The following GLG1 variants were observed in gnomAD, a reference collection of about 807,000 sequenced individuals.
The protein encoded by GLG1 is Golgi apparatus protein 1.
A neutral mutation model predicts 160.5 loss-of-function variants in GLG1; 38 were observed. The observed-to-expected ratio is 0.24, with a 90% CI of 0.18 to 0.31. The LOEUF (loss-of-function observed/expected upper bound fraction) is 0.31, where lower values mean the gene tolerates loss of function less well. GLG1 is among the 10% of genes least tolerant of loss of function. The pLI is 1.00. For missense variants in GLG1, 1,373 were observed against 1,505.2 expected (o/e 0.91, Z 1.45); for synonymous variants, 644 against 543.4 (o/e 1.19, Z -2.57).
At chr16:74,597,195 G>A (rs189732959) in intron 1 of GLG1, among the ~76,000 whole-genome samples, 2 of 151,966 alleles carry the variant, frequency 1.3e-5, no homozygotes, top group Non-Finnish European at 2.9e-5. Flanking sequence ...CACTTTGGGA[G>A]GCCGAGGCGG....
chr16:74,490,845 G>A (rs966473826), intron 8 of GLG1, among the ~76,000 whole-genome samples, 156 bp downstream of exon 8: 6 of 152,156 alleles, frequency 3.9e-5, no homozygotes, highest in Admixed American at 3.3e-4. Flanking sequence ...ACTAAGATAT[G>A]CCTGAAGAAG....
chr16:74,526,579 C>G (rs893150102), intron 2 of GLG1, among the ~76,000 whole-genome samples: 1 of 151,326 alleles, frequency 6.6e-6, no homozygotes, highest in African/African-American at 2.4e-5. Context: ...CAAAAATTAG[C>G]AGGGCATGGT....
intron 1 of GLG1, among the ~76,000 whole-genome samples, chr16:74,574,376 T>C (rs2018926911): frequency 6.6e-6 from 1 of 152,180 alleles, no homozygotes; most frequent in Non-Finnish European, 1.5e-5. Flanking sequence ...CTGCAGGCCA[T>C]CTGTTAACAG....
chr16:74,462,477 G>A lies in GLG1; in HGVS notation c.2934+11C>T, dbSNP rs1423639405. 5 of 1,611,580 alleles carry A rather than the reference G, an allele frequency of 3.1e-6. No homozygotes were observed. The highest frequency in any genetic ancestry group is 4.2e-6 in the Non-Finnish European group (5 of 1,177,820). Reference sequence around the variant, plus strand: ...TAAATACACCTTTGTGGAGAGCCCAGGCCAGTTTACCTGGTCAGCATATCT... The same window carrying A: ...TAAATACACCTTTGTGGAGAGCCCAAGCCAGTTTACCTGGTCAGCATATCT... On this transcript the variant is annotated intron_variant, in intron 21 of 25. Transcript: ENST00000422840.
intron 11 of GLG1, 84 bp downstream of exon 11, chr16:74,480,157 T>G: frequency 8.8e-7 from 1 of 1,141,864 alleles, no homozygotes; most frequent in Non-Finnish European, 1.3e-6. Flanking sequence ...TTTCCTAATA[T>G]GACTGAAATC....
chr16:74,519,813 T>G (rs2017102031), intron 2 of GLG1, among the ~76,000 whole-genome samples: 1 of 152,182 alleles, frequency 6.6e-6, no homozygotes, highest in Non-Finnish European at 1.5e-5. Context: ...TTTCTTGACT[T>G]GTCACTTTTA....
chr16:74,458,146 T>A (rs1470503968), intron 23 of GLG1, 152 bp from the exon 24 acceptor site: 1 of 625,286 alleles, frequency 1.6e-6, no homozygotes. Context: ...GTGGTGATGA[T>A]GTACAGAATG....
chr16:74,536,023 G>C (rs1447246106), intron 1 of GLG1, among the ~76,000 whole-genome samples: 2 of 152,012 alleles, frequency 1.3e-5, no homozygotes, highest in East Asian at 3.8e-4. Flanking sequence ...CAGAATAAAT[G>C]AACTCGAGAA....
chr16:74,492,177 G>A (rs2016022257), intron 7 of GLG1, among the ~76,000 whole-genome samples: 1 of 150,566 alleles, frequency 6.6e-6, no homozygotes, highest in Non-Finnish European at 1.5e-5. Context: ...ACGAGGTCAG[G>A]AGATCGAGAC....
At chr16:74,587,262 C>A (rs1306806825) in intron 1 of GLG1, among the ~76,000 whole-genome samples, 1 of 152,154 alleles carries the variant, frequency 6.6e-6, no homozygotes, top group African/African-American at 2.4e-5. Flanking sequence ...ATGGAAGTGG[C>A]TTCCCGGCTG....
At chr16:74,464,533 G>C (rs1182774508) in intron 19 of GLG1, among the ~76,000 whole-genome samples, 1 of 152,208 alleles carries the variant, frequency 6.6e-6, no homozygotes, top group African/African-American at 2.4e-5. Context: ...TGAGACACTT[G>C]AGCACTGAGC....
At chr16:74,505,192 C>T (rs997010953) in intron 3 of GLG1, among the ~76,000 whole-genome samples, 6 of 152,288 alleles carry the variant, frequency 3.9e-5, no homozygotes, top group East Asian at 1.9e-4. Flanking sequence ...GACACACCAC[C>T]GAGGAATTAT....
intron 4 of GLG1, among the ~76,000 whole-genome samples, chr16:74,497,077 G>A (rs892718362): frequency 1.3e-5 from 2 of 151,944 alleles, no homozygotes; most frequent in East Asian, 3.9e-4. Flanking sequence ...TCAGGAGTTC[G>A]AGACCAGCCT....
rs540864412 is a variant in GLG1, at chr16:74,494,827, T to C, written c.983A>G (p.Gln328Arg). ...DDRERFCENT[Q>R]AGEGRVYKCL... ...CTTATACACTCTGCCCTCACCAGCTTGTGTCTATAAGATGGAACATACACA... is the reference window on the plus strand; with the variant it reads ...CTTATACACTCTGCCCTCACCAGCTCGTGTCTATAAGATGGAACATACACA... The change falls in exon 6 of 26, where the codon CAA (glutamine) becomes CGA (arginine). Residue 328 changes from glutamine to arginine, a missense_variant. By Grantham distance (43) the Gln-to-Arg change is conservative. Coordinates refer to ENST00000422840, the MANE Select transcript of GLG1 (RefSeq NM_001145667.2). 4 of 1,457,648 alleles carry C rather than the reference T, an allele frequency of 2.7e-6. No homozygotes were observed. Among genetic ancestry groups the C allele is most frequent in the East Asian group, 2.3e-5 (1 of 44,122 alleles). 90.3% of individuals were successfully genotyped at this position (1,457,648 alleles called of 1,614,324 possible).
chr16:74,489,849 A>G (rs2015922326), intron 8 of GLG1, among the ~76,000 whole-genome samples: 1 of 152,242 alleles, frequency 6.6e-6, no homozygotes, highest in African/African-American at 2.4e-5. Flanking sequence ...AAGCTAAGAC[A>G]TAATTTTACT....
At chr16:74,555,882 C>T (rs1471993395) in intron 1 of GLG1, among the ~76,000 whole-genome samples, 1 of 150,900 alleles carries the variant, frequency 6.6e-6, no homozygotes, top group African/African-American at 2.4e-5. Context: ...CTGTATCACC[C>T]AGGGTGAAGT....
chr16:74,545,461 A>C, intron 1 of GLG1, among the ~76,000 whole-genome samples: 1 of 152,232 alleles, frequency 6.6e-6, no homozygotes, highest in Non-Finnish European at 1.5e-5. Flanking sequence ...GATTACCAGC[A>C]TGAGCCACAC....
At chr16:74,572,239 G>A (rs988379663) in intron 1 of GLG1, among the ~76,000 whole-genome samples, 6 of 152,244 alleles carry the variant, frequency 3.9e-5, no homozygotes, top group South Asian at 4.1e-4. Context: ...GGCTGGGCAC[G>A]GTGGCTCGCA....
intron 25 of GLG1, among the ~76,000 whole-genome samples, chr16:74,455,741 T>C (rs1037506740): frequency 3.3e-5 from 5 of 152,080 alleles, no homozygotes; most frequent in South Asian, 2.1e-4. Flanking sequence ...CCAATATGAG[T>C]CAATACAAAA....
Sources: gnomAD v4.1 joint callset for allele counts (sites outside exome capture counted in the v4.1 genomes callset) on GRCh38, gnomAD v4.1.1 for gene constraint, MANE v1.5 for transcripts, NCBI Gene and HGNC (gene_info 2026-07-23, HGNC 2026-07-21) for gene names.